Variants in UTRN observed in about 807,000 individuals in gnomAD.
The protein encoded by UTRN is dystrophin-related protein 1.
A neutral mutation model predicts 463.9 loss-of-function variants in UTRN; 283 were observed. The ratio of observed to expected loss-of-function variants is 0.61; its 90% confidence interval spans 0.55 to 0.67. The LOEUF is 0.67. Among genes scored for constraint, UTRN ranks in the 30% least tolerant of loss-of-function variants. UTRN has a pLI of 0.00. For missense variants in UTRN, 3,922 were observed against 4,084.3 expected (o/e 0.96, Z 1.08); for synonymous variants, 1,442 against 1,431.5 (o/e 1.01, Z -0.17).
intron 51 of UTRN, among the ~76,000 whole-genome samples, chr6:144,667,896 G>A (rs1780591325): frequency 6.6e-6 from 1 of 152,110 alleles, no homozygotes; most frequent in African/African-American, 2.4e-5. Flanking sequence ...GCACTGCTCT[G>A]GGATAGAACT....
intron 41 of UTRN, among the ~76,000 whole-genome samples, chr6:144,530,028 A>AT (rs1796897092): frequency 2.0e-5 from 3 of 152,360 alleles, no homozygotes; most frequent in South Asian, 4.1e-4. Context: ...GTCTTATTGC[A>AT]TAACGGGCTC....
intron 69 of UTRN, among the ~76,000 whole-genome samples, chr6:144,833,955 A>G (rs922066829): frequency 2.0e-5 from 3 of 152,292 alleles, no homozygotes; most frequent in Admixed American, 6.5e-5. Flanking sequence ...TTGCTTTCAA[A>G]TGCTGCTCTC....
In UTRN at chr6:144,536,316, C is replaced by T. The variant is rs1797529168; in HGVS notation, c.6234-1266C>T. Among the ~76,000 whole-genome samples, 4 of 152,228 alleles carry T rather than the reference C, an allele frequency of 2.6e-5. No individual in the cohort carries two copies. The South Asian group carries it at 8.3e-4, about 32-fold the overall frequency. On this transcript the variant is annotated intron_variant, in intron 43 of 74. Transcript: ENST00000367545. ...TGAAACATTGGACGTGAAATTTCAACTCTTTTTTAGAAACAAAGGCCTATA... is the reference window on the plus strand; with the variant it reads ...TGAAACATTGGACGTGAAATTTCAATTCTTTTTTAGAAACAAAGGCCTATA...
At chr6:144,818,077 G>T (rs1779239758) in intron 65 of UTRN, among the ~76,000 whole-genome samples, 1 of 152,024 alleles carries the variant, frequency 6.6e-6, no homozygotes, top group African/African-American at 2.4e-5. Context: ...TGGCACTTTT[G>T]AATAATTTGT....
intron 54 of UTRN, among the ~76,000 whole-genome samples, chr6:144,736,778 C>T (rs73779121): frequency 0.019 from 2,969 of 152,268 alleles, 109 homozygotes; most frequent in African/African-American, 0.068. Flanking sequence ...CCGGCCCCAC[C>T]TTGTGCCTCT....
chr6:144,791,964 C>T (rs12111214), intron 62 of UTRN, among the ~76,000 whole-genome samples: 2 of 152,112 alleles, frequency 1.3e-5, no homozygotes, highest in African/African-American at 2.4e-5. Context: ...CAGACCTCTT[C>T]CCAGGGACTG....
At position 144,851,041 on chromosome 6, in the gene UTRN, C is replaced by T. The variant is rs775134287; in HGVS notation, c.*44C>T. ...CAATGTTTCCTGACGTACAGTGTTG[C>T]CCTTTTCAGCAAATGCCAATTCCAA... On this transcript the variant is annotated 3_prime_UTR_variant, in exon 75 of 75. Coordinates refer to ENST00000367545, the MANE Select transcript of UTRN (RefSeq NM_007124.3). The T allele has an allele frequency of 5.0e-6, 8 of 1,613,214 alleles. No homozygotes were observed. Among genetic ancestry groups the T allele is most frequent in the Non-Finnish European group, 5.1e-6 (6 of 1,179,316 alleles).
At chr6:144,711,374 G>A (rs1785687907) in intron 53 of UTRN, among the ~76,000 whole-genome samples, 1 of 151,594 alleles carries the variant, frequency 6.6e-6, no homozygotes, top group African/African-American at 2.4e-5. Flanking sequence ...TAAAATAAAT[G>A]GGTAAAGTTG....
At chr6:144,454,999 T>C (rs960841923) in intron 19 of UTRN, among the ~76,000 whole-genome samples, 6 of 152,116 alleles carry the variant, frequency 3.9e-5, no homozygotes, top group African/African-American at 1.4e-4. Flanking sequence ...GACCTTAGAT[T>C]ATTTTGCCTC....
At chr6:144,522,913 A>G (rs1796234857) in intron 40 of UTRN, 103 bp from the exon 41 acceptor site, 2 of 929,176 alleles carry the variant, frequency 2.2e-6, no homozygotes, top group Non-Finnish European at 3.1e-6. Context: ...ATGTCTCATT[A>G]TTATTTCAAA....
At chr6:144,729,489 G>A (rs1410445975) in intron 53 of UTRN, among the ~76,000 whole-genome samples, 1 of 152,192 alleles carries the variant, frequency 6.6e-6, no homozygotes, top group Non-Finnish European at 1.5e-5. Context: ...ATAATAGGTT[G>A]CCAGGGAACT....
In UTRN at chr6:144,428,789, T is replaced by C. The variant is rs1785529702; in HGVS notation, c.590T>C (p.Phe197Ser). 1 of 1,606,452 alleles carries C rather than the reference T, an allele frequency of 6.2e-7. No homozygotes were observed. The highest frequency in any genetic ancestry group is 1.1e-5 in the South Asian group (1 of 89,632). Residue 197 changes from phenylalanine to serine, a missense_variant, in exon 8 of 75, where the codon TTC becomes TCC. By Grantham distance (155) the Phe-to-Ser change is radical (BLOSUM62 -2). Around this residue, in one of 3 missense-constraint regions of UTRN, gnomAD observed 264 missense variants for 327.9 expected, o/e 0.81. Coordinates refer to ENST00000367545, the MANE Select transcript of UTRN (RefSeq NM_007124.3). Reference protein sequence around the residue: ...AVLHRHKPDLFSWDKVVKMSP... With the variant: ...AVLHRHKPDLSSWDKVVKMSP... ...TGCATGGTTTTCAGACCTGATCTCT[T>C]CAGCTGGGATAAAGTTGTCAAAATG...
At chr6:144,722,213 C>G (rs778025419) in intron 53 of UTRN, among the ~76,000 whole-genome samples, 6 of 152,220 alleles carry the variant, frequency 3.9e-5, no homozygotes, top group Non-Finnish European at 8.8e-5. Flanking sequence ...GCACCAATCT[C>G]TAAGCTAGGC....
At chr6:144,487,998 C>T (rs1584983668) in intron 29 of UTRN, among the ~76,000 whole-genome samples, 1 of 152,204 alleles carries the variant, frequency 6.6e-6, no homozygotes, top group Non-Finnish European at 1.5e-5. Context: ...TCATACTATC[C>T]TAGTAAATAT....
In UTRN at chr6:144,291,887, A is replaced by G. The variant is rs1327137627; in HGVS notation, c.59A>G (p.Asp20Gly). 1.2e-6 allele frequency: 2 copies of G among 1,613,186 alleles called. No homozygotes were observed. The highest frequency in any genetic ancestry group is 1.7e-6 in the Non-Finnish European group (2 of 1,179,540). ...SPDNGQNEFS[D>G]IIKSRSDEHN... ...GACAATGGGCAGAACGAATTCAGTG[A>G]TATCATTAAGTCCAGATCTGGTAGG... Residue 20 changes from aspartate to glycine, a missense_variant, in exon 2 of 75, where the codon GAT (aspartate) becomes GGT (glycine). By Grantham distance (94) the Asp-to-Gly change is moderately conservative. Transcript: ENST00000367545.
chr6:144,727,010 C>T (rs1324130141), intron 53 of UTRN, among the ~76,000 whole-genome samples: 1 of 152,226 alleles, frequency 6.6e-6, no homozygotes, highest in African/African-American at 2.4e-5. Context: ...CCCCACACCC[C>T]TGCACAATGC....
At chr6:144,470,658 TG>T (rs1264507284) in intron 23 of UTRN, among the ~76,000 whole-genome samples, 3 of 152,028 alleles carry the variant, frequency 2.0e-5, no homozygotes, top group Non-Finnish European at 4.4e-5. Flanking sequence ...CTCGGCACTT[TG>T]GGAGGCCAAA....
chr6:144,525,765 G>A (rs540856142), intron 41 of UTRN, among the ~76,000 whole-genome samples: 10 of 151,740 alleles, frequency 6.6e-5, no homozygotes, highest in African/African-American at 2.4e-4. Flanking sequence ...TCCTTGAGGT[G>A]TGACTTTAGA....
At chr6:144,478,358 T>C (rs2128571997) in intron 25 of UTRN, among the ~76,000 whole-genome samples, 1 of 152,350 alleles carries the variant, frequency 6.6e-6, no homozygotes, top group Middle Eastern at 3.4e-3. Flanking sequence ...TATTGCTGAC[T>C]AGTGTTCAAG....
Sources: gnomAD v4.1 joint callset for allele counts (sites outside exome capture counted in the v4.1 genomes callset) on GRCh38, gnomAD v4.1.1 for gene constraint, gnomAD v4.1.1 regional missense constraint, MANE v1.5 for transcripts, NCBI Gene and HGNC (gene_info 2026-07-23, HGNC 2026-07-21) for gene names.